LOXL1: variants seen among roughly 807,000 people sequenced by gnomAD.
The protein encoded by LOXL1 is lysyl oxidase homolog 1.
LOXL1 carries 31 observed loss-of-function variants against 62.2 expected under a neutral mutation model. That is an observed-to-expected ratio of 0.50 (90% CI 0.37 to 0.67). The LOEUF is 0.67. LOXL1 is among the 30% of genes least tolerant of loss of function. The pLI is 0.00. For synonymous variants in LOXL1, 403 were observed against 384.4 expected, an observed-to-expected ratio of 1.05 and a Z score of -0.56; for missense variants, 775 against 843.4, an observed-to-expected ratio of 0.92 and a Z score of 1.00.
intron 3 of LOXL1, 140 bp from the exon 4 acceptor site, chr15:73,946,927 C>A: frequency 2.1e-6 from 2 of 936,748 alleles, no homozygotes; most frequent in Non-Finnish European, 3.2e-6. Context: ...CCCCGCAGTA[C>A]TCAGGAGACA....
intron 2 of LOXL1, among the ~76,000 whole-genome samples, chr15:73,943,446 G>T (rs180753087): frequency 6.0e-4 from 92 of 152,328 alleles, no homozygotes; most frequent in African/African-American, 2.1e-3. Context: ...GAGGACAGTT[G>T]TGGCTTTGGC....
At chr15:73,933,886 G>A (rs572010409) in intron 1 of LOXL1, among the ~76,000 whole-genome samples, 12 of 152,358 alleles carry the variant, frequency 7.9e-5, no homozygotes, top group Middle Eastern at 3.4e-3. Flanking sequence ...TGACCTAGCC[G>A]CCTCATTTCC....
intron 2 of LOXL1, 43 bp downstream of exon 2, chr15:73,943,005 C>T (rs370374030): frequency 3.3e-5 from 49 of 1,486,178 alleles, no homozygotes; most frequent in Middle Eastern, 1.7e-4. Context: ...GGATAGTCCC[C>T]GGGAGTCACC....
chr15:73,935,241 G>A (rs2068662782), intron 1 of LOXL1, among the ~76,000 whole-genome samples: 4 of 152,226 alleles, frequency 2.6e-5, no homozygotes, highest in Non-Finnish European at 5.9e-5. Context: ...CCGACAGGAG[G>A]CTGTTCCAGA....
At position 73,927,207 on chromosome 15, in the gene LOXL1, G is replaced by A. The variant is rs1230063324; in HGVS notation, c.424G>A (p.Ala142Thr). ...AVGDSTGMAR[A>T]RTSVSQQRHG... ...CGGGGACAGCACGGGCATGGCCCGG[G>A]CCCGCACCTCCGTCTCCCAGCAACG... is the stretch of plus-strand genomic sequence containing the variant. The change falls in exon 1 of 7, where the codon GCC becomes ACC. Residue 142 changes from alanine (A) to threonine (T), a missense_variant. By Grantham distance (58) the Ala-to-Thr change is moderately conservative (BLOSUM62 0). Transcript: ENST00000261921. 6.3e-7 allele frequency: 1 copy of A among 1,593,312 alleles called. No homozygotes were observed. Among genetic ancestry groups the A allele is most frequent in the Non-Finnish European group, 8.5e-7 (1 of 1,175,384 alleles).
intron 1 of LOXL1, among the ~76,000 whole-genome samples, chr15:73,934,564 A>AGGCAGATATCATCTCGTGAGGAAATAG (rs1482129768): frequency 6.6e-6 from 1 of 152,186 alleles, no homozygotes; most frequent in African/African-American, 2.4e-5. Context: ...TGGCTGCAGA[A>AGGCAGATATCATCTCGTGAGGAAATAG]GGCAGATATC....
chr15:73,944,960 TC>T (rs954349159), intron 2 of LOXL1, among the ~76,000 whole-genome samples: 1 of 152,144 alleles, frequency 6.6e-6, no homozygotes, highest in Non-Finnish European at 1.5e-5. Flanking sequence ...GGCCTTAGGA[TC>T]GGACCTTAAT....
chr15:73,942,807 G>A (rs2068723709), intron 1 of LOXL1, 47 bp from the exon 2 acceptor site: 1 of 1,200,312 alleles, frequency 8.3e-7, no homozygotes. Context: ...TGCTCTCAAT[G>A]TCATGCTCTT....
At chr15:73,932,655 G>A (rs4886776) in intron 1 of LOXL1, among the ~76,000 whole-genome samples, 43,296 of 152,076 alleles carry the variant, frequency 0.28, 6,799 homozygotes, top group East Asian at 0.55. Context: ...ACTAAGTGCC[G>A]GACACTGTTC....
intron 1 of LOXL1, among the ~76,000 whole-genome samples, chr15:73,934,898 G>C (rs1435554314): frequency 6.6e-6 from 1 of 152,150 alleles, no homozygotes; most frequent in African/African-American, 2.4e-5. Context: ...GCATATGAGT[G>C]AGCCATGCAG....
intron 1 of LOXL1, among the ~76,000 whole-genome samples, chr15:73,931,050 G>A (rs1381610486): frequency 6.7e-6 from 1 of 148,688 alleles, no homozygotes; most frequent in African/African-American, 2.5e-5. Context: ...CTGCCTCCCT[G>A]GAGTTTCAGC....
chr15:73,928,069 C>T (rs2068604532), intron 1 of LOXL1, 184 bp downstream of exon 1: 1 of 464,794 alleles, frequency 2.2e-6, no homozygotes. Flanking sequence ...TCTCACCTCC[C>T]AGCTTAACCC....
intron 5 of LOXL1, 114 bp from the exon 6 acceptor site, chr15:73,949,345 T>G: frequency 1.4e-6 from 1 of 738,246 alleles, no homozygotes; most frequent in Non-Finnish European, 2.5e-6. Flanking sequence ...GTTCTCCCTC[T>G]CTCTGTCACC....
chr15:73,932,592 ATG>A (rs2068642471), intron 1 of LOXL1, among the ~76,000 whole-genome samples: 1 of 152,194 alleles, frequency 6.6e-6, no homozygotes, highest in African/African-American at 2.4e-5. Flanking sequence ...TAGCCTGGTC[ATG>A]GTCATTGCAG....
At chr15:73,938,323 A>ATCTATCTATC (rs1445292675) in intron 1 of LOXL1, among the ~76,000 whole-genome samples, 129 of 61,088 alleles carry the variant, frequency 2.1e-3, no homozygotes, top group African/African-American at 6.9e-3. Flanking sequence ...ATCTAGGTAG[A>ATCTATCTATC]TAGATAGAAC....
intron 1 of LOXL1, among the ~76,000 whole-genome samples, chr15:73,934,946 C>T (rs193029184): frequency 6.6e-6 from 1 of 152,128 alleles, no homozygotes; most frequent in Admixed American, 6.5e-5. Flanking sequence ...GGAAGACAGC[C>T]AGTGCAAGGC....
chr15:73,939,788 CAGG>C (rs1450458419), intron 1 of LOXL1, among the ~76,000 whole-genome samples: 1 of 152,146 alleles, frequency 6.6e-6, no homozygotes, highest in Non-Finnish European at 1.5e-5. Context: ...AAAAGAGTGA[CAGG>C]AGGAGTCCTG....
rs372501780 is a variant in LOXL1 at position 73,951,851 on chromosome 15, C to G, written c.*14C>G. The G allele has an allele frequency of 2.6e-6, 4 of 1,540,626 alleles. No individual in the cohort carries two copies. Among genetic ancestry groups the G allele is most frequent in the Non-Finnish European group, 3.5e-6 (4 of 1,139,060 alleles). On this transcript the variant is annotated 3_prime_UTR_variant, in exon 7 of 7. Transcript: ENST00000261921. ...CTCAGATCCTGATCTCCGGGAGGGA[C>G]AGATGGCCAATCTCTCCCCTTCCAA...
intron 1 of LOXL1, among the ~76,000 whole-genome samples, chr15:73,931,768 C>T (rs1296762646): frequency 2.0e-5 from 3 of 152,204 alleles, no homozygotes; most frequent in Non-Finnish European, 2.9e-5. Context: ...TGCCTGCCCA[C>T]CTCTGCCCTC....
Sources: gnomAD v4.1 joint callset for allele counts (sites outside exome capture counted in the v4.1 genomes callset) on GRCh38, gnomAD v4.1.1 for gene constraint, MANE v1.5 for transcripts, NCBI Gene and HGNC (gene_info 2026-07-23, HGNC 2026-07-21) for gene names.